Variants in PTPRU observed in about 807,000 individuals in gnomAD.
The protein encoded by PTPRU is receptor-type tyrosine-protein phosphatase U.
A neutral mutation model predicts 166.3 loss-of-function variants in PTPRU; 69 were observed. The observed-to-expected ratio is 0.41, with a 90% CI of 0.34 to 0.51. The LOEUF is 0.51. PTPRU is among the 20% of genes least tolerant of loss of function. PTPRU has a pLI of 0.09. For missense variants in PTPRU, 1,657 were observed against 2,013.7 expected, an observed-to-expected ratio of 0.82 and a Z score of 3.39; for synonymous variants, 793 against 814.0, an observed-to-expected ratio of 0.97 and a Z score of 0.44.
chr1:29,302,868 G>A (rs925230761), intron 15 of PTPRU, among the ~76,000 whole-genome samples: 1 of 151,986 alleles, frequency 6.6e-6, no homozygotes, highest in Non-Finnish European at 1.5e-5. Flanking sequence ...TTTTTATAGC[G>A]TATTTTTAGT....
At chr1:29,269,219 C>CATATATATAT (rs1239721913) in intron 7 of PTPRU, among the ~76,000 whole-genome samples, 29 of 42,406 alleles carry the variant, frequency 6.8e-4, no homozygotes, top group African/African-American at 2.5e-3. Context: ...AATTTATATA[C>CATATATATAT]ATATATATAT....
At chr1:29,246,633 T>A (rs77513807) in intron 1 of PTPRU, among the ~76,000 whole-genome samples, 1 of 152,002 alleles carries the variant, frequency 6.6e-6, no homozygotes, top group Non-Finnish European at 1.5e-5. Context: ...TTTTTTTTTT[T>A]AAGATGGAAT....
chr1:29,254,504 G>A (rs1684687449), intron 1 of PTPRU, among the ~76,000 whole-genome samples: 1 of 152,158 alleles, frequency 6.6e-6, no homozygotes, highest in Non-Finnish European at 1.5e-5. Context: ...CTGTGCTTTT[G>A]CATGTCACAT....
At chr1:29,273,527 C>T (rs1685666443) in intron 7 of PTPRU, among the ~76,000 whole-genome samples, 1 of 152,176 alleles carries the variant, frequency 6.6e-6, no homozygotes. Flanking sequence ...CCTTGGCTTT[C>T]CAAAGTGCTG....
chr1:29,261,008 C>T, intron 7 of PTPRU, 105 bp downstream of exon 7: 1 of 1,264,920 alleles, frequency 7.9e-7, no homozygotes, highest in East Asian at 3.0e-5. Flanking sequence ...CTTTCTAAAA[C>T]ATTGTGATTT....
intron 14 of PTPRU, among the ~76,000 whole-genome samples, chr1:29,290,872 T>A (rs1475137311): frequency 6.6e-6 from 1 of 152,200 alleles, no homozygotes; most frequent in African/African-American, 2.4e-5. Context: ...GGGGATCGGG[T>A]TGGTTTGTTT....
Position 29,257,416 on chromosome 1 carries a change from G to A in PTPRU, c.206-1089G>A, listed in dbSNP as rs115545254. On this transcript the variant is annotated intron_variant, in intron 2 of 29. Coordinates refer to ENST00000373779, the MANE Select transcript of PTPRU (RefSeq NM_133178.4). The surrounding 1 kb of genome is among the most constrained non-coding windows in gnomAD (Gnocchi z 4.6). ...AGTCCCTGGGGAGCCCTCCTGGAGC[G>A]GGGATCTGAGTGAGCTTGTGTTGGC... Among the ~76,000 whole-genome samples, 1,130 of 152,274 alleles carry A rather than the reference G, an allele frequency of 7.4e-3. 5 individuals carry two copies. The highest frequency in any genetic ancestry group is 0.012 in the Non-Finnish European group (791 of 68,018).
rs1685943990 is a variant in PTPRU, at chr1:29,279,113, C to G, written c.1555C>G (p.Gln519Glu). 6.4e-7 allele frequency: 1 copy of G among 1,571,380 alleles called. No individual in the cohort carries two copies. Among genetic ancestry groups the G allele is most frequent in the African/African-American group, 1.4e-5 (1 of 73,870 alleles). ...EPQEPNGLIT[Q>E]YEISYQSIES... ...CCAGGAGCCCAATGGTCTCATCACC[C>G]AGTATGAGGTGGGTTTGGGACCCTA... Residue 519 changes from glutamine (Q) to glutamate (E), a missense_variant, in exon 9 of 30, where the codon CAG (glutamine) becomes GAG (glutamate). Gln to Glu is a conservative substitution (Grantham distance 29, BLOSUM62 2). Transcript: ENST00000373779. The surrounding 1 kb of genome is among the most constrained non-coding windows in gnomAD (Gnocchi z 5.2).
intron 18 of PTPRU, among the ~76,000 whole-genome samples, chr1:29,310,083 C>T (rs1249876053): frequency 6.6e-6 from 1 of 152,084 alleles, no homozygotes; most frequent in Non-Finnish European, 1.5e-5. Context: ...TAGCTCTTGG[C>T]CTCTCTCTCG....
intron 21 of PTPRU, 89 bp from the exon 22 acceptor site, chr1:29,312,463 T>TGCCTG: frequency 8.1e-7 from 1 of 1,233,040 alleles, no homozygotes; most frequent in Non-Finnish European, 1.1e-6. Flanking sequence ...TACAATGAGA[T>TGCCTG]GCTTACTGCA....
At chr1:29,309,724 C>G (rs1458139816) in intron 18 of PTPRU, among the ~76,000 whole-genome samples, 1 of 152,110 alleles carries the variant, frequency 6.6e-6, no homozygotes, top group Non-Finnish European at 1.5e-5. Context: ...AGTTTTTGCT[C>G]AAAGGCACAC....
rs768172131 is a variant in PTPRU at position 29,311,572 on chromosome 1, C to A, written c.2955+19C>A. Reference sequence around the variant, plus strand: ...GGGCAGGGTAAGCCGGGCTGTGGGGCGAGCTGGGGCGCATGGCAGGCCAAG... The same window carrying A: ...GGGCAGGGTAAGCCGGGCTGTGGGGAGAGCTGGGGCGCATGGCAGGCCAAG... On this transcript the variant is annotated intron_variant, in intron 20 of 29. Coordinates refer to ENST00000373779, the MANE Select transcript of PTPRU (RefSeq NM_133178.4). The surrounding 1 kb of genome is among the most constrained non-coding windows in gnomAD (Gnocchi z 4.1). 1 of 1,613,986 alleles carries A rather than the reference C, an allele frequency of 6.2e-7. No individual in the cohort carries two copies. The highest frequency in any genetic ancestry group is 8.5e-7 in the Non-Finnish European group (1 of 1,179,958).
rs751876075 is a variant in PTPRU at position 29,291,829 on chromosome 1, C to G, written c.2319-40C>G. On this transcript the variant is annotated intron_variant, in intron 14 of 29. Coordinates refer to ENST00000373779, the MANE Select transcript of PTPRU (RefSeq NM_133178.4). The surrounding 1 kb of genome is among the most constrained non-coding windows in gnomAD (Gnocchi z 4.1). ...AGCCACCTCTGGGTGCTGTCCAGCC[C>G]CACACAATGCCTGTGTCTCCCCTCA... 2.5e-6 allele frequency: 4 copies of G among 1,607,182 alleles called. No homozygotes were observed. Among genetic ancestry groups the G allele is most frequent in the Non-Finnish European group, 3.4e-6 (4 of 1,176,224 alleles).
chr1:29,275,032 A>G (rs1463167026), intron 7 of PTPRU, among the ~76,000 whole-genome samples: 1 of 149,704 alleles, frequency 6.7e-6, no homozygotes, highest in Non-Finnish European at 1.5e-5. Context: ...CCTGGGTGAC[A>G]GAGTGAGCCT....
chr1:29,241,185 G>A (rs1435010826), intron 1 of PTPRU, among the ~76,000 whole-genome samples: 1 of 152,132 alleles, frequency 6.6e-6, no homozygotes, highest in Non-Finnish European at 1.5e-5. Flanking sequence ...TGCTAAGGGT[G>A]TCTGGCTATC....
At position 29,320,569 on chromosome 1, in the gene PTPRU, G is replaced by A; in HGVS notation, c.3688-116G>A. 8.0e-7 allele frequency: 1 copy of A among 1,251,814 alleles called. No homozygotes were observed. The highest frequency in any genetic ancestry group is 1.5e-5 in the African/African-American group (1 of 65,862). 77.5% of individuals were successfully genotyped at this position (1,251,814 alleles called of 1,614,324 possible). On this transcript the variant is annotated intron_variant, in intron 25 of 29. Transcript: ENST00000373779. This position sits in a 1 kb window ranked among gnomAD's most constrained non-coding sequence, Gnocchi z 5.2. ...GGCCCACTGGAGGCAGCCTGGTCCT[G>A]TGGGGCACAACCGTCCAACTCAGGG... is the stretch of plus-strand genomic sequence containing the variant.
intron 18 of PTPRU, among the ~76,000 whole-genome samples, chr1:29,309,269 C>T (rs1041061990): frequency 1.2e-4 from 18 of 152,110 alleles, no homozygotes; most frequent in African/African-American, 4.1e-4. Context: ...TGCATAATCC[C>T]GGGCCCCACC....
rs1166315578 is a variant in PTPRU, at chr1:29,279,918, G to T, written c.1766-121G>T. 8 of 1,114,232 alleles carry T rather than the reference G, an allele frequency of 7.2e-6. No homozygotes were observed. The highest frequency in any genetic ancestry group is 1.0e-5 in the Non-Finnish European group (8 of 773,546). 69.0% of individuals were successfully genotyped at this position (1,114,232 alleles called of 1,614,324 possible). On this transcript the variant is annotated intron_variant, in intron 10 of 29. Transcript: ENST00000373779. This position sits in a 1 kb window ranked among gnomAD's most constrained non-coding sequence, Gnocchi z 5.2. ...CAGGGTAGCTCAGGTCATGTCAGCA[G>T]GAACAAAGAGGCTAAGGCTGAAGTA...
In PTPRU at chr1:29,236,644, C is replaced by T. The variant is rs1683776298; in HGVS notation, c.-1C>T. On this transcript the variant is annotated 5_prime_UTR_variant, in exon 1 of 30. Coordinates refer to ENST00000373779, the MANE Select transcript of PTPRU (RefSeq NM_133178.4). This position sits in a 1 kb window ranked among gnomAD's most constrained non-coding sequence, Gnocchi z 4.6. ...CCGGGACGGGCGGCGACGCTCCAAC[C>T]ATGGCCCGTGCCCAGGCGCTCGTGC... 2 of 1,394,036 alleles carry T rather than the reference C, an allele frequency of 1.4e-6. No homozygotes were observed. Among genetic ancestry groups the T allele is most frequent in the African/African-American group, 1.5e-5 (1 of 67,186 alleles). 86.4% of individuals were successfully genotyped at this position (1,394,036 alleles called of 1,614,324 possible).
Sources: gnomAD v4.1 joint callset for allele counts (sites outside exome capture counted in the v4.1 genomes callset) on GRCh38, gnomAD v4.1.1 for gene constraint, Gnocchi (gnomAD v3.1) non-coding constraint, MANE v1.5 for transcripts, NCBI Gene and HGNC (gene_info 2026-07-23, HGNC 2026-07-21) for gene names.